SUCLG2: variants seen among roughly 807,000 people sequenced by gnomAD.
SUCLG2 encodes the protein succinate--CoA ligase [GDP-forming] subunit beta, mitochondrial.
In SUCLG2, 42 loss-of-function variants were observed where a neutral mutation model predicts 47.9. The observed-to-expected ratio is 0.88, with a 90% CI of 0.69 to 1.14. SUCLG2 has a LOEUF of 1.14. SUCLG2 is among the 50% of genes most tolerant of loss of function. The pLI is 0.00. For missense variants in SUCLG2, 571 were observed against 525.9 expected, an observed-to-expected ratio of 1.09 and a Z score of -0.84; for synonymous variants, 195 against 197.3, an observed-to-expected ratio of 0.99 and a Z score of 0.10.
intron 1 of SUCLG2, among the ~76,000 whole-genome samples, chr3:67,650,161 A>G (rs1437079665): frequency 6.6e-6 from 1 of 152,228 alleles, no homozygotes; most frequent in East Asian, 1.9e-4. Context: ...AAAAAGTCAA[A>G]TATTTATTCT....
At chr3:67,599,916 C>A (rs1708380381) in intron 2 of SUCLG2, among the ~76,000 whole-genome samples, 1 of 152,168 alleles carries the variant, frequency 6.6e-6, no homozygotes, top group Non-Finnish European at 1.5e-5. Flanking sequence ...CATTTCCTGA[C>A]TTTTTTGTCC....
intron 9 of SUCLG2, among the ~76,000 whole-genome samples, chr3:67,414,836 C>G (rs968512946): frequency 6.6e-6 from 1 of 152,144 alleles, no homozygotes; most frequent in Non-Finnish European, 1.5e-5. Flanking sequence ...CCCACTCCCT[C>G]AAATAATCTG....
At chr3:67,602,285 T>A (rs1331517366) in intron 2 of SUCLG2, among the ~76,000 whole-genome samples, 4 of 152,196 alleles carry the variant, frequency 2.6e-5, no homozygotes, top group Non-Finnish European at 5.9e-5. Context: ...GAAGAATTAA[T>A]CCTTGCTTTA....
intron 9 of SUCLG2, among the ~76,000 whole-genome samples, chr3:67,483,854 C>T (rs1704980703): frequency 6.6e-6 from 1 of 152,188 alleles, no homozygotes; most frequent in South Asian, 2.1e-4. Flanking sequence ...GAATCTTGAG[C>T]TCATGGTTGA....
intron 2 of SUCLG2, among the ~76,000 whole-genome samples, chr3:67,578,750 G>C (rs540410178): frequency 8.5e-5 from 13 of 152,304 alleles, no homozygotes; most frequent in African/African-American, 2.9e-4. Flanking sequence ...ACAAGGCAAG[G>C]AATTTATCTG....
At chr3:67,517,310 C>T (rs894248742) in intron 6 of SUCLG2, among the ~76,000 whole-genome samples, 7 of 152,118 alleles carry the variant, frequency 4.6e-5, no homozygotes, top group Admixed American at 4.6e-4. Flanking sequence ...AAGAAAAAGA[C>T]AAGACAGAAA....
intron 9 of SUCLG2, among the ~76,000 whole-genome samples, chr3:67,444,401 G>A (rs749717155): frequency 0.079 from 1,454 of 18,422 alleles, 21 homozygotes; most frequent in East Asian, 0.18. Flanking sequence ...TCAGCCCTCC[G>A]CCCGGCCAGC....
At chr3:67,401,466 G>GT (rs1168605789) in intron 9 of SUCLG2, among the ~76,000 whole-genome samples, 1 of 151,576 alleles carries the variant, frequency 6.6e-6, no homozygotes, top group Non-Finnish European at 1.5e-5. Context: ...AAGTAAGAAT[G>GT]TAAGGAAAGT....
Position 67,528,187 on chromosome 3 carries a change from A to C in SUCLG2, c.362T>G (p.Ile121Ser). 1 of 1,613,918 alleles carries C rather than the reference A, an allele frequency of 6.2e-7. No individual in the cohort carries two copies. Among genetic ancestry groups the C allele is most frequent in the Non-Finnish European group, 8.5e-7 (1 of 1,179,876 alleles). Residue 121 changes from isoleucine to serine, a missense_variant, in exon 4 of 11, where the codon ATT (isoleucine) becomes AGT (serine). By Grantham distance (142) the Ile-to-Ser change is moderately radical (BLOSUM62 -2). Coordinates refer to ENST00000307227, the MANE Select transcript of SUCLG2 (RefSeq NM_003848.4). Reference sequence around the variant, plus strand: ...TTGTTTTGTCGCTAGATTGTACCCAATCATCTGTTTAGCCAGCTGTCCCAC... The same window carrying C: ...TTGTTTTGTCGCTAGATTGTACCCACTCATCTGTTTAGCCAGCTGTCCCAC... ...NVVGQLAKQM[I>S]GYNLATKQTP...
intron 9 of SUCLG2, among the ~76,000 whole-genome samples, chr3:67,489,122 T>C (rs949270994): frequency 2.0e-5 from 3 of 152,156 alleles, no homozygotes; most frequent in African/African-American, 4.8e-5. Context: ...ACACCGATCA[T>C]GTGGAAGACA....
chr3:67,597,553 C>G (rs1364862866), intron 2 of SUCLG2, among the ~76,000 whole-genome samples: 3 of 152,156 alleles, frequency 2.0e-5, no homozygotes, highest in Non-Finnish European at 4.4e-5. Context: ...GTACCCCACT[C>G]CCAGTAGTCA....
chr3:67,407,429 A>C (rs1470590089), intron 9 of SUCLG2, among the ~76,000 whole-genome samples: 1 of 152,210 alleles, frequency 6.6e-6, no homozygotes, highest in East Asian at 1.9e-4. Flanking sequence ...AAAGGAGTCC[A>C]ACTTTAATAA....
At chr3:67,527,716 T>TA (rs1465315269) in intron 4 of SUCLG2, among the ~76,000 whole-genome samples, 1 of 152,152 alleles carries the variant, frequency 6.6e-6, no homozygotes, top group Non-Finnish European at 1.5e-5. Flanking sequence ...AAATAAGGAA[T>TA]GGGGCATTTA....
intron 9 of SUCLG2, among the ~76,000 whole-genome samples, chr3:67,404,438 A>C (rs1459495837): frequency 8.9e-6 from 1 of 112,064 alleles, no homozygotes; most frequent in Non-Finnish European, 1.9e-5. Flanking sequence ...AAGGAGAGTG[A>C]GAAGTCATGA....
chr3:67,423,226 C>G (rs947632359), intron 9 of SUCLG2, among the ~76,000 whole-genome samples: 4 of 152,128 alleles, frequency 2.6e-5, no homozygotes, highest in African/African-American at 9.7e-5. Context: ...TTGTAAGTGT[C>G]TGGCATTTCC....
At chr3:67,365,849 G>A (rs1314317405) in intron 10 of SUCLG2, among the ~76,000 whole-genome samples, 5 of 152,084 alleles carry the variant, frequency 3.3e-5, no homozygotes, top group African/African-American at 9.7e-5. Context: ...AAACTATAAC[G>A]AAATATATTA....
intron 9 of SUCLG2, among the ~76,000 whole-genome samples, chr3:67,463,017 G>C (rs1357451564): frequency 6.6e-6 from 1 of 152,204 alleles, no homozygotes; most frequent in Non-Finnish European, 1.5e-5. Flanking sequence ...TACAGTTTGT[G>C]TTCTTCCATT....
intron 9 of SUCLG2, among the ~76,000 whole-genome samples, chr3:67,476,347 G>A (rs1704755620): frequency 6.6e-6 from 1 of 151,966 alleles, no homozygotes; most frequent in South Asian, 2.1e-4. Flanking sequence ...AGATTCCCAT[G>A]AGCATGATCC....
At chr3:67,612,085 G>C (rs1238318804) in intron 1 of SUCLG2, among the ~76,000 whole-genome samples, 1 of 152,202 alleles carries the variant, frequency 6.6e-6, no homozygotes, top group African/African-American at 2.4e-5. Flanking sequence ...GTGGGCAGGC[G>C]CAGTGGTTCA....
Sources: gnomAD v4.1 joint callset for allele counts (sites outside exome capture counted in the v4.1 genomes callset) on GRCh38, gnomAD v4.1.1 for gene constraint, MANE v1.5 for transcripts, NCBI Gene and HGNC (gene_info 2026-07-23, HGNC 2026-07-21) for gene names.